The following CDH9 variants were observed in gnomAD, a reference collection of about 807,000 sequenced individuals.
CDH9 encodes the protein cadherin-9.
CDH9 carries 28 observed loss-of-function variants against 70.9 expected under a neutral mutation model. That is an observed-to-expected ratio of 0.40 (90% CI 0.29 to 0.54). The LOEUF is 0.54. Among genes scored for constraint, CDH9 ranks in the 20% least tolerant of loss-of-function variants. The pLI, the probability that CDH9 is intolerant of heterozygous loss-of-function variation, is 0.59. For missense variants in CDH9, 874 were observed against 984.4 expected (o/e 0.89, Z 1.50); for synonymous variants, 409 against 343.1 (o/e 1.19, Z -2.12).
chr5:27,022,057 A>G (rs1743146790), intron 1 of CDH9, among the ~76,000 whole-genome samples: 1 of 151,934 alleles, frequency 6.6e-6, no homozygotes, highest in Non-Finnish European at 1.5e-5. Flanking sequence ...TTACACCTTC[A>G]TGCTTTTCTT....
chr5:27,034,533 T>A (rs2112139159), intron 1 of CDH9, among the ~76,000 whole-genome samples: 1 of 151,862 alleles, frequency 6.6e-6, no homozygotes, highest in African/African-American at 2.4e-5. Context: ...TTACTTTTTT[T>A]ACTTTTATTC....
chr5:27,019,109 G>A (rs1743093976), intron 1 of CDH9, among the ~76,000 whole-genome samples: 1 of 151,966 alleles, frequency 6.6e-6, no homozygotes, highest in African/African-American at 2.4e-5. Context: ...AGTAGTAACA[G>A]GTGAAATTCA....
intron 2 of CDH9, among the ~76,000 whole-genome samples, chr5:26,939,295 T>C (rs779235064): frequency 6.6e-6 from 1 of 151,838 alleles, no homozygotes; most frequent in Admixed American, 6.6e-5. Flanking sequence ...GTATTGTTAA[T>C]ATGAAATGAG....
chr5:26,998,907 T>A (rs1169868755), intron 1 of CDH9, among the ~76,000 whole-genome samples: 1 of 152,130 alleles, frequency 6.6e-6, no homozygotes, highest in Non-Finnish European at 1.5e-5. Flanking sequence ...TATTAAAAAG[T>A]TATTAAAAAA....
chr5:26,889,815 G>C (rs776285413), intron 9 of CDH9, 21 bp downstream of exon 9: 1 of 1,462,850 alleles, frequency 6.8e-7, no homozygotes, highest in Non-Finnish European at 9.5e-7. Context: ...ATTCTTTTAA[G>C]TTTTTAATGA....
chr5:26,967,209 C>T lies in CDH9; in HGVS notation c.228+20897G>A, dbSNP rs575302295. Among the ~76,000 whole-genome samples, 32 of 152,224 alleles carry T rather than the reference C, an allele frequency of 2.1e-4. No homozygotes were observed. The South Asian group carries it at 6.4e-3, about 31-fold the overall frequency. Reference sequence around the variant, plus strand: ...GCTCAGGTGATCCTCCTGCCTATACCTCCCGAAATGCTGGGATTGCAGGCA... The same window carrying T: ...GCTCAGGTGATCCTCCTGCCTATACTTCCCGAAATGCTGGGATTGCAGGCA... On this transcript the variant is annotated intron_variant, in intron 2 of 11. Transcript: ENST00000231021.
At chr5:27,033,805 G>C (rs1411081299) in intron 1 of CDH9, among the ~76,000 whole-genome samples, 1 of 151,388 alleles carries the variant, frequency 6.6e-6, no homozygotes, top group African/African-American at 2.4e-5. Flanking sequence ...TTGGCTGATT[G>C]TCTGGGGAAA....
chr5:26,929,950 A>G (rs1340947916), intron 2 of CDH9, among the ~76,000 whole-genome samples: 3 of 151,994 alleles, frequency 2.0e-5, no homozygotes, highest in Non-Finnish European at 4.4e-5. Context: ...AAGGATTGTC[A>G]AAAATAATTC....
rs531523625 is a variant in CDH9, at chr5:26,938,564, C to T, written c.229-22640G>A. Among the ~76,000 whole-genome samples, 3 of 152,162 alleles carry T rather than the reference C, an allele frequency of 2.0e-5. No individual in the cohort carries two copies. In the East Asian group the frequency reaches 5.8e-4, roughly 29 times the overall value. ...TTATTTTACTTTTCTAATAAACTCT[C>T]TGGCAATTTTGAATAAAATTAATAA... On this transcript the variant is annotated intron_variant, in intron 2 of 11. Coordinates refer to ENST00000231021, the MANE Select transcript of CDH9 (RefSeq NM_016279.4).
intron 2 of CDH9, among the ~76,000 whole-genome samples, chr5:26,954,371 G>C (rs1440127467): frequency 1.6e-5 from 2 of 128,166 alleles, no homozygotes; most frequent in Non-Finnish European, 3.3e-5. Context: ...AAAGCTTTTC[G>C]CTATTATACA....
chr5:26,950,875 T>C (rs1257842805), intron 2 of CDH9, among the ~76,000 whole-genome samples: 2 of 152,182 alleles, frequency 1.3e-5, no homozygotes, highest in African/African-American at 4.8e-5. Flanking sequence ...GCACAGAGTA[T>C]AAGGCAGAAT....
At chr5:26,984,412 ATGTC>A (rs1355352449) in intron 2 of CDH9, among the ~76,000 whole-genome samples, 1 of 152,100 alleles carries the variant, frequency 6.6e-6, no homozygotes, top group African/African-American at 2.4e-5. Flanking sequence ...AATAAATACT[ATGTC>A]TGCTGTGTCT....
intron 2 of CDH9, among the ~76,000 whole-genome samples, chr5:26,933,859 T>G (rs2112027146): frequency 6.6e-6 from 1 of 151,996 alleles, no homozygotes. Context: ...CTATTAGATA[T>G]CACGACTAAT....
At chr5:26,979,603 A>G (rs1742365042) in intron 2 of CDH9, among the ~76,000 whole-genome samples, 1 of 151,896 alleles carries the variant, frequency 6.6e-6, no homozygotes, top group South Asian at 2.1e-4. Flanking sequence ...TTGCGTAAAA[A>G]GAATAAACCA....
At chr5:26,892,278 A>T (rs1740673220) in intron 7 of CDH9, among the ~76,000 whole-genome samples, 1 of 152,204 alleles carries the variant, frequency 6.6e-6, no homozygotes, top group Non-Finnish European at 1.5e-5. Context: ...CATATCAGAA[A>T]GTGAGTGCTT....
chr5:27,028,660 A>C (rs768291341), intron 1 of CDH9, among the ~76,000 whole-genome samples: 5 of 152,056 alleles, frequency 3.3e-5, no homozygotes, highest in Non-Finnish European at 7.4e-5. Context: ...TCAATTCCTC[A>C]AGTATTTCCT....
At chr5:26,980,052 C>A (rs767862666) in intron 2 of CDH9, among the ~76,000 whole-genome samples, 3 of 151,740 alleles carry the variant, frequency 2.0e-5, no homozygotes, top group African/African-American at 7.2e-5. Flanking sequence ...CTATACCCAG[C>A]AAGTATGTAA....
chr5:26,947,848 G>T (rs373857824), intron 2 of CDH9, among the ~76,000 whole-genome samples: 1 of 152,042 alleles, frequency 6.6e-6, no homozygotes, highest in Non-Finnish European at 1.5e-5. Flanking sequence ...CAAATCTTTC[G>T]ATCTCCTCCT....
intron 1 of CDH9, among the ~76,000 whole-genome samples, chr5:26,994,923 T>C (rs1050836350): frequency 2.0e-5 from 3 of 152,176 alleles, no homozygotes; most frequent in Admixed American, 6.5e-5. Flanking sequence ...TTTCAGTTTT[T>C]ATATTATATT....
Sources: gnomAD v4.1 joint callset for allele counts (sites outside exome capture counted in the v4.1 genomes callset) on GRCh38, gnomAD v4.1.1 for gene constraint, MANE v1.5 for transcripts, NCBI Gene and HGNC (gene_info 2026-07-23, HGNC 2026-07-21) for gene names.